The following NCKAP5 variants were observed in gnomAD, a reference collection of about 807,000 sequenced individuals.
The protein encoded by NCKAP5 is NCK associated protein 5, also known as nck-associated protein 5.
In NCKAP5, 92 loss-of-function variants were observed where a neutral mutation model predicts 167.0. The ratio of observed to expected loss-of-function variants is 0.55; its 90% CI spans 0.47 to 0.66. The LOEUF is 0.66. Ranked by LOEUF, NCKAP5 falls within the 30% of genes least tolerant of loss-of-function variation. The pLI, the probability that NCKAP5 is intolerant of heterozygous loss-of-function variation, is 0.00. For missense variants in NCKAP5, 2,378 were observed against 2,315.0 expected (o/e 1.03, Z -0.56); for synonymous variants, 891 against 877.4 (o/e 1.02, Z -0.27).
chr2:133,236,170 C>A (rs2087411242), intron 4 of NCKAP5, among the ~76,000 whole-genome samples: 2 of 147,842 alleles, frequency 1.4e-5, no homozygotes, highest in South Asian at 4.4e-4. Context: ...GTGCTGTTGG[C>A]TATGAGTTCG....
At chr2:132,747,171 C>CAA (rs140348727) in intron 16 of NCKAP5, among the ~76,000 whole-genome samples, 2,223 of 124,178 alleles carry the variant, frequency 0.018, 62 homozygotes, top group African/African-American at 0.066. Context: ...CTCAGCCTGC[C>CAA]AAAAAAAAAA....
chr2:132,772,483 TA>T (rs1380688954), intron 16 of NCKAP5, among the ~76,000 whole-genome samples: 1 of 152,210 alleles, frequency 6.6e-6, no homozygotes, highest in Non-Finnish European at 1.5e-5. Context: ...ATTCAGCTTG[TA>T]ACTTTATATA....
At chr2:133,024,240 A>G (rs913212038) in intron 6 of NCKAP5, among the ~76,000 whole-genome samples, 4 of 152,214 alleles carry the variant, frequency 2.6e-5, no homozygotes, top group Admixed American at 6.5e-5. Context: ...GTCATCACCT[A>G]CTGTATATAT....
intron 4 of NCKAP5, among the ~76,000 whole-genome samples, chr2:133,254,810 A>G (rs942736473): frequency 3.3e-5 from 5 of 152,196 alleles, no homozygotes; most frequent in African/African-American, 1.2e-4. Flanking sequence ...TTCATAAAGT[A>G]TATCACAGAA....
chr2:133,192,924 C>T lies in NCKAP5; in HGVS notation c.207+20792G>A, dbSNP rs143612291. Among the ~76,000 whole-genome samples, 523 of 152,116 alleles carry T rather than the reference C, an allele frequency of 3.4e-3. 6 individuals carry two copies. The highest frequency in any genetic ancestry group is 0.012 in the African/African-American group (497 of 41,536). On this transcript the variant is annotated intron_variant, in intron 5 of 19. Transcript: ENST00000409261. ...TCTCAGAGAAATGAAAACTTATGTT[C>T]GCACAAAAACCTGTACACAAATGTT...
the NCKAP5 span, among the ~76,000 whole-genome samples, chr2:133,663,252 G>A: frequency 3.4e-5 from 5 of 148,700 alleles, no homozygotes; most frequent in Admixed American, 6.7e-5. Flanking sequence ...CGGCCTGGGC[G>A]GCAGAGCGAG....
In NCKAP5 at chr2:132,750,945, G is replaced by C. The variant is rs115096971; in HGVS notation, c.5129-18894C>G. Among the ~76,000 whole-genome samples the C allele has an allele frequency of 4.4e-3, 676 of 152,350 alleles. 6 individuals are homozygous for C. Among genetic ancestry groups the C allele is most frequent in the African/African-American group, 0.015 (623 of 41,572 alleles). On this transcript the variant is annotated intron_variant, in intron 16 of 19. Coordinates refer to ENST00000409261, the MANE Select transcript of NCKAP5 (RefSeq NM_207363.3). Reference sequence around the variant, plus strand: ...GGGTCCTGAGGATTGCAGCAGAACAGAACATGCTAGGGCTTCAAAGGTTTG... The same window carrying C: ...GGGTCCTGAGGATTGCAGCAGAACACAACATGCTAGGGCTTCAAAGGTTTG...
intron 7 of NCKAP5, among the ~76,000 whole-genome samples, chr2:132,967,142 G>C (rs931243317): frequency 1.3e-5 from 2 of 148,792 alleles, no homozygotes; most frequent in Admixed American, 1.3e-4. Context: ...TGCAAATAAT[G>C]AGGAGCCACT....
intron 2 of NCKAP5, among the ~76,000 whole-genome samples, chr2:133,541,605 T>C (rs1686231089): frequency 6.6e-6 from 1 of 152,122 alleles, no homozygotes; most frequent in South Asian, 2.1e-4. Context: ...ATCATAAGCA[T>C]CTTTGCTCCT....
At chr2:133,272,444 C>T (rs1415550367) in intron 4 of NCKAP5, among the ~76,000 whole-genome samples, 2 of 152,016 alleles carry the variant, frequency 1.3e-5, no homozygotes, top group Non-Finnish European at 2.9e-5. Flanking sequence ...TATCTGTTTT[C>T]AAACTTATTG....
intron 16 of NCKAP5, among the ~76,000 whole-genome samples, chr2:132,739,782 A>G (rs1691856960): frequency 6.6e-6 from 1 of 152,284 alleles, no homozygotes; most frequent in East Asian, 1.9e-4. Flanking sequence ...TTAATGAATG[A>G]TGAATATGCA....
rs541053807 is a variant in NCKAP5, at chr2:132,989,252, A to C, written c.429+4900T>G. Reference sequence around the variant, plus strand: ...TGTGATGGAATGATGCCCCTCTCCAATGGGTTGCTCTATTTTCTTTATGCT... The same window carrying C: ...TGTGATGGAATGATGCCCCTCTCCACTGGGTTGCTCTATTTTCTTTATGCT... On this transcript the variant is annotated intron_variant, in intron 7 of 19. Coordinates refer to ENST00000409261, the MANE Select transcript of NCKAP5 (RefSeq NM_207363.3). Among the ~76,000 whole-genome samples the C allele has an allele frequency of 1.1e-3, 169 of 152,256 alleles. 2 individuals are homozygous for C. The highest frequency in any genetic ancestry group is 1.3e-3 in the Non-Finnish European group (89 of 67,994).
intron 6 of NCKAP5, among the ~76,000 whole-genome samples, chr2:133,036,720 T>C (rs1211951278): frequency 1.3e-5 from 2 of 152,028 alleles, no homozygotes; most frequent in East Asian, 3.8e-4. Flanking sequence ...TCATACTTAA[T>C]GGAGTAAAAC....
intron 6 of NCKAP5, among the ~76,000 whole-genome samples, chr2:133,082,649 G>A (rs773173889): frequency 7.9e-5 from 12 of 152,098 alleles, no homozygotes; most frequent in Non-Finnish European, 1.3e-4. Flanking sequence ...CAGAGCAGGG[G>A]CTTTCCTCTT....
chr2:133,226,364 A>G (rs998436287), intron 4 of NCKAP5, among the ~76,000 whole-genome samples: 1 of 152,196 alleles, frequency 6.6e-6, no homozygotes, highest in East Asian at 1.9e-4. Context: ...AGTGAGACTC[A>G]GTTCCTGCAG....
At chr2:133,108,359 A>C (rs1387751963) in intron 6 of NCKAP5, among the ~76,000 whole-genome samples, 1 of 152,186 alleles carries the variant, frequency 6.6e-6, no homozygotes, top group Non-Finnish European at 1.5e-5. Flanking sequence ...TTTTAATAAC[A>C]GTCTTCCACG....
intron 16 of NCKAP5, among the ~76,000 whole-genome samples, chr2:132,749,068 C>T (rs1679889650): frequency 1.3e-5 from 2 of 152,052 alleles, no homozygotes; most frequent in Non-Finnish European, 2.9e-5. Context: ...CATGCCCAGC[C>T]GAAGTCGAGA....
intron 19 of NCKAP5, among the ~76,000 whole-genome samples, chr2:132,686,627 G>A (rs996393163): frequency 2.6e-5 from 4 of 152,064 alleles, no homozygotes; most frequent in African/African-American, 9.7e-5. Context: ...TTTATTTACT[G>A]GTCATCCTTT....
chr2:133,188,694 T>C (rs952154702), intron 5 of NCKAP5, among the ~76,000 whole-genome samples: 4 of 152,088 alleles, frequency 2.6e-5, no homozygotes, highest in Admixed American at 2.0e-4. Context: ...ACTGGGTACG[T>C]AATGAAATGA....
Sources: allele counts gnomAD v4.1 joint callset (sites outside exome capture counted in the v4.1 genomes callset), GRCh38; gene constraint gnomAD v4.1.1; transcripts MANE v1.5; gene names NCBI Gene and HGNC (gene_info 2026-07-23, HGNC 2026-07-21).